GK: variants seen among roughly 807,000 people sequenced by gnomAD.
The protein encoded by GK is ATP:glycerol 3-phosphotransferase.
A neutral mutation model predicts 56.4 loss-of-function variants in GK; 9 were observed. That is an observed-to-expected ratio of 0.16 (90% CI 0.10 to 0.28). GK has a LOEUF of 0.28. Among genes scored for constraint, GK ranks in the 10% least tolerant of loss-of-function variants. GK has a pLI of 1.00. For missense variants in GK, 161 were observed against 431.4 expected (o/e 0.37, Z 5.55); for synonymous variants, 104 against 144.1 (o/e 0.72, Z 1.99).
chrX:30,660,091 T>G (rs2147125240), intron 1 of GK, among the ~76,000 whole-genome samples: 1 of 111,675 alleles, frequency 9.0e-6, no homozygotes, highest in South Asian at 3.7e-4. Context: ...TTTTTCAGTT[T>G]TTAATTACTC....
At chrX:30,712,717 CTT>C (rs769269247) in intron 13 of GK, among the ~76,000 whole-genome samples, 2 of 48,402 alleles carry the variant, frequency 4.1e-5, no homozygotes, top group African/African-American at 1.9e-4. Flanking sequence ...TTTTTCTTTT[CTT>C]TTTTTTTTTT....
chrX:30,714,188 C>T (rs990474819), intron 13 of GK, among the ~76,000 whole-genome samples: 4 of 111,791 alleles, frequency 3.6e-5, no homozygotes, highest in African/African-American at 1.3e-4. Context: ...AGCTAAATCC[C>T]TATTTTAGGT....
chrX:30,677,065 T>G (rs1466091920), intron 3 of GK, among the ~76,000 whole-genome samples: 1 of 111,715 alleles, frequency 9.0e-6, no homozygotes, highest in Non-Finnish European at 1.9e-5. Context: ...TATTATAAAT[T>G]TGTGAAGTTA....
rs925774501 is a variant in GK, at chrX:30,678,111, G to A, written c.337+659G>A. On this transcript the variant is annotated intron_variant, in intron 4 of 20. Coordinates refer to ENST00000427190, the MANE Select transcript of GK (RefSeq NM_001205019.2). ...AAAATTAAAATTACGTGTGTTCACA[G>A]TCATTTTTCTATAAAGTACTTGTGT... The A allele has an allele frequency of 8.0e-6, 4 of 500,651 alleles. No individual in the cohort carries two copies. The African/African-American group carries it at 9.3e-5, about 12-fold the overall frequency. 41.3% of individuals were successfully genotyped at this position (500,651 alleles called of 1,213,427 possible).
intron 1 of GK, among the ~76,000 whole-genome samples, chrX:30,662,868 TC>T (rs1163402268): frequency 7.6e-5 from 4 of 52,918 alleles, no homozygotes; most frequent in African/African-American, 3.2e-4. Context: ...TTTCTTTCTT[TC>T]TCTTTCTTTC....
intron 13 of GK, among the ~76,000 whole-genome samples, chrX:30,717,008 T>C (rs1321060176): frequency 8.9e-6 from 1 of 112,057 alleles, no homozygotes; most frequent in African/African-American, 3.2e-5. Context: ...TGGCATTCTG[T>C]AGCTTTGCAG....
intron 19 of GK, among the ~76,000 whole-genome samples, chrX:30,724,999 G>C (rs748919902): frequency 3.9e-4 from 43 of 109,954 alleles, no homozygotes; most frequent in African/African-American, 1.4e-3. Context: ...TCGTGCCTCA[G>C]CCTCCCAAGT....
intron 1 of GK, among the ~76,000 whole-genome samples, chrX:30,662,867 TTC>T (rs1555910691): frequency 0.097 from 5,328 of 54,753 alleles, 292 homozygotes; most frequent in South Asian, 0.14. Flanking sequence ...CTTTCTTTCT[TTC>T]TCTTTCTTTC....
intron 9 of GK, 27 bp from the exon 10 acceptor site, chrX:30,700,387 C>G: frequency 8.5e-7 from 1 of 1,176,510 alleles, no homozygotes; most frequent in Non-Finnish European, 1.2e-6. Flanking sequence ...TGTGACTATT[C>G]ATAATCCTTT....
intron 8 of GK, among the ~76,000 whole-genome samples, chrX:30,697,427 T>C (rs771133125): frequency 1.1e-3 from 124 of 112,091 alleles, no homozygotes; most frequent in African/African-American, 3.8e-3. Context: ...AATAATAATA[T>C]AGATGAACAC....
At chrX:30,693,613 A>G (rs1429797680) in intron 5 of GK, among the ~76,000 whole-genome samples, 1 of 111,057 alleles carries the variant, frequency 9.0e-6, no homozygotes, top group African/African-American at 3.3e-5. Flanking sequence ...CAGTGGTGCA[A>G]TCTCAGCTCA....
At chrX:30,728,186 C>G (rs1937221957) in intron 20 of GK, among the ~76,000 whole-genome samples, 1 of 111,194 alleles carries the variant, frequency 9.0e-6, no homozygotes, top group Non-Finnish European at 1.9e-5. Flanking sequence ...TAAAATGGCT[C>G]AGCATGTTAT....
intron 3 of GK, chrX:30,674,456 C>T: frequency 6.5e-6 from 2 of 308,580 alleles, no homozygotes; most frequent in Middle Eastern, 1.2e-3. Context: ...CTCCTCCCTC[C>T]ACTTGTGCTG....
chrX:30,701,039 A>G, intron 11 of GK, 134 bp downstream of exon 11: 1 of 489,221 alleles, frequency 2.0e-6, no homozygotes, highest in East Asian at 3.8e-5. Context: ...GCATATATAC[A>G]CTTTTTACCA....
rs754224318 is a variant in GK, at chrX:30,697,747, G to A, written c.745G>A (p.Val249Met). 2.2e-5 allele frequency: 25 copies of A among 1,160,838 alleles called. No homozygotes were observed. Among genetic ancestry groups the A allele is most frequent in the Admixed American group, 1.5e-4 (7 of 45,386 alleles). The part of the protein sequence containing the change: ...IYGLMKISHS[V>M]KAGALEGVPI... The stretch of plus-strand genomic sequence containing the variant: ...CTGACTATAGAAAATCTCTCATAGC[G>A]TGGTGAGTAGGTTGCCCGCCAATTA... The change falls in exon 9 of 21, where the codon GTG becomes ATG. Residue 249 changes from valine (V) to methionine (M), a missense_variant and splice_region_variant. Transcript: ENST00000427190.
At chrX:30,714,355 G>A (rs1012869862) in intron 13 of GK, among the ~76,000 whole-genome samples, 4 of 111,844 alleles carry the variant, frequency 3.6e-5, no homozygotes, top group Non-Finnish European at 7.5e-5. Flanking sequence ...CAGGGCTGCA[G>A]TCAAGATGTT....
intron 3 of GK, chrX:30,674,487 A>G (rs1445825229): frequency 4.9e-5 from 14 of 284,712 alleles, no homozygotes; most frequent in Admixed American, 1.1e-4. Flanking sequence ...CTCTCCTGTC[A>G]CTACATCAGT....
At chrX:30,687,708 A>G (rs959995839) in intron 4 of GK, 2 of 317,039 alleles carry the variant, frequency 6.3e-6, no homozygotes, top group African/African-American at 5.4e-5. Flanking sequence ...TGGATCTGTC[A>G]TTCCTTTTGA....
At chrX:30,713,736 C>T (rs1936473769) in intron 13 of GK, among the ~76,000 whole-genome samples, 1 of 112,318 alleles carries the variant, frequency 8.9e-6, no homozygotes, top group Non-Finnish European at 1.9e-5. Context: ...GTGGAAGAGA[C>T]TGGAGCAAAA....
Sources: allele counts gnomAD v4.1 joint callset (sites outside exome capture counted in the v4.1 genomes callset), GRCh38; gene constraint gnomAD v4.1.1; transcripts MANE v1.5; gene names NCBI Gene and HGNC (gene_info 2026-07-23, HGNC 2026-07-21).